AUTS2: variants seen among roughly 807,000 people sequenced by gnomAD.
AUTS2 encodes the protein activator of transcription and developmental regulator AUTS2.
AUTS2 carries 17 observed loss-of-function variants against 112.4 expected under a neutral mutation model. The observed-to-expected ratio is 0.15, with a 90% CI of 0.10 to 0.23. The LOEUF (loss-of-function observed/expected upper bound fraction) is 0.23. Ranked by LOEUF, AUTS2 falls within the 10% of genes least tolerant of loss-of-function variation. The pLI is 1.00. For missense variants in AUTS2, 1,510 were observed against 1,701.6 expected, an observed-to-expected ratio of 0.89 and a Z score of 1.98; for synonymous variants, 751 against 702.7, an observed-to-expected ratio of 1.07 and a Z score of -1.09.
intron 6 of AUTS2, among the ~76,000 whole-genome samples, chr7:70,738,976 C>G (rs1787934396): frequency 9.1e-6 from 1 of 109,512 alleles, no homozygotes; most frequent in Non-Finnish European, 1.9e-5. Flanking sequence ...TTTCTGTATT[C>G]TGGTGATGTC....
At chr7:69,619,074 A>C (rs1793526112) in intron 1 of AUTS2, among the ~76,000 whole-genome samples, 1 of 152,148 alleles carries the variant, frequency 6.6e-6, no homozygotes, top group African/African-American at 2.4e-5. Context: ...GGGTTCTCAG[A>C]TGCCTGGTAC....
intron 1 of AUTS2, among the ~76,000 whole-genome samples, chr7:69,611,352 A>G (rs138468974): frequency 2.0e-5 from 3 of 152,286 alleles, no homozygotes; most frequent in Non-Finnish European, 4.4e-5. Flanking sequence ...CAGGGGGATA[A>G]TTCAGCCTGT....
intron 1 of AUTS2, among the ~76,000 whole-genome samples, chr7:69,769,437 G>T (rs1788566522): frequency 6.6e-6 from 1 of 152,142 alleles, no homozygotes; most frequent in South Asian, 2.1e-4. Flanking sequence ...CTTATGTAAT[G>T]TTCACAGAGT....
At chr7:70,166,147 C>T (rs570780472) in intron 4 of AUTS2, among the ~76,000 whole-genome samples, 2 of 152,250 alleles carry the variant, frequency 1.3e-5, no homozygotes, top group Admixed American at 1.3e-4. Context: ...TCGATTAAAC[C>T]TCTTTTCTTT....
intron 5 of AUTS2, among the ~76,000 whole-genome samples, chr7:70,696,443 A>G: frequency 6.6e-6 from 1 of 152,172 alleles, no homozygotes; most frequent in Non-Finnish European, 1.5e-5. Flanking sequence ...GTATCAGCCA[A>G]GTAAGGGCTT....
At chr7:69,731,159 G>T (rs1379886149) in intron 1 of AUTS2, among the ~76,000 whole-genome samples, 5 of 152,132 alleles carry the variant, frequency 3.3e-5, no homozygotes, top group Non-Finnish European at 4.4e-5. Context: ...AGGTGTGGTG[G>T]TATGCACCTT....
At chr7:70,084,505 G>A (rs1803489630) in intron 2 of AUTS2, among the ~76,000 whole-genome samples, 1 of 152,184 alleles carries the variant, frequency 6.6e-6, no homozygotes, top group African/African-American at 2.4e-5. Context: ...CCAGCAGTGT[G>A]TAAGAGTCCC....
At chr7:70,778,282 G>T (rs1345208119) in intron 14 of AUTS2, among the ~76,000 whole-genome samples, 1 of 152,098 alleles carries the variant, frequency 6.6e-6, no homozygotes, top group Admixed American at 6.5e-5. Flanking sequence ...AAAAATGGGA[G>T]CAAACAAGCA....
intron 4 of AUTS2, among the ~76,000 whole-genome samples, chr7:70,172,374 A>G (rs534774776): frequency 1.2e-4 from 19 of 152,354 alleles, no homozygotes; most frequent in African/African-American, 4.6e-4. Context: ...GTAATCCCAG[A>G]CAACCTTCTT....
intron 5 of AUTS2, among the ~76,000 whole-genome samples, chr7:70,562,766 T>C (rs1801544765): frequency 6.6e-6 from 1 of 152,208 alleles, no homozygotes; most frequent in Non-Finnish European, 1.5e-5. Context: ...AACATATTCC[T>C]GAAGCCATGC....
chr7:69,877,203 CAGTT>C (rs1251630128), intron 1 of AUTS2, among the ~76,000 whole-genome samples: 2 of 152,142 alleles, frequency 1.3e-5, no homozygotes, highest in Non-Finnish European at 2.9e-5. Context: ...GTCAATGAAT[CAGTT>C]AGTGACCATT....
chr7:69,958,074 T>G (rs934836530), intron 2 of AUTS2, among the ~76,000 whole-genome samples: 1 of 152,198 alleles, frequency 6.6e-6, no homozygotes, highest in African/African-American at 2.4e-5. Context: ...CCTCACTCTT[T>G]TATTCATTCA....
At chr7:70,525,915 T>A (rs1195735974) in intron 5 of AUTS2, among the ~76,000 whole-genome samples, 1 of 152,206 alleles carries the variant, frequency 6.6e-6, no homozygotes, top group Non-Finnish European at 1.5e-5. Flanking sequence ...CCCTGGCCGC[T>A]GCTCACAGCA....
At chr7:70,595,899 G>C (rs1803172774) in intron 5 of AUTS2, among the ~76,000 whole-genome samples, 1 of 151,916 alleles carries the variant, frequency 6.6e-6, no homozygotes, top group Non-Finnish European at 1.5e-5. Flanking sequence ...GGCTGCTTCG[G>C]GGCGGCCCTC....
chr7:69,961,827 T>G (rs2129547038), intron 2 of AUTS2, among the ~76,000 whole-genome samples: 1 of 152,296 alleles, frequency 6.6e-6, no homozygotes, highest in African/African-American at 2.4e-5. Flanking sequence ...AATTTAATCT[T>G]AAGCAGGTGA....
chr7:70,681,588 G>A (rs552779765), intron 5 of AUTS2, among the ~76,000 whole-genome samples: 5 of 151,910 alleles, frequency 3.3e-5, no homozygotes, highest in Non-Finnish European at 4.4e-5. Context: ...GGATTTCAGC[G>A]GTAGGCAAAG....
At chr7:70,454,623 G>A (rs1232433535) in intron 5 of AUTS2, among the ~76,000 whole-genome samples, 8 of 152,118 alleles carry the variant, frequency 5.3e-5, no homozygotes, top group African/African-American at 1.9e-4. Context: ...GGCCGGGCAC[G>A]GTGACTCACA....
chr7:69,704,281 A>ATT (rs547599037), intron 1 of AUTS2, among the ~76,000 whole-genome samples: 12 of 145,316 alleles, frequency 8.3e-5, no homozygotes, highest in South Asian at 4.4e-4. Context: ...CTAAAATACA[A>ATT]TTTTTTTTTT....
chr7:70,554,861 TTG>T (rs1304017198), intron 5 of AUTS2, among the ~76,000 whole-genome samples: 1 of 152,178 alleles, frequency 6.6e-6, no homozygotes, highest in Non-Finnish European at 1.5e-5. Flanking sequence ...AGCTGTCACA[TTG>T]GACGGTTGGC....
Sources: gnomAD v4.1 joint callset for allele counts (sites outside exome capture counted in the v4.1 genomes callset) on GRCh38, gnomAD v4.1.1 for gene constraint, MANE v1.5 for transcripts, NCBI Gene and HGNC (gene_info 2026-07-23, HGNC 2026-07-21) for gene names.